MGAM: variants seen among roughly 807,000 people sequenced by gnomAD.
MGAM encodes the protein maltase-glucoamylase, also known as alpha-1,4-glucosidase.
MGAM carries 253 observed loss-of-function variants against 358.8 expected under a neutral mutation model. The observed-to-expected ratio is 0.71, with a 90% confidence interval of 0.64 to 0.78. The LOEUF (loss-of-function observed/expected upper bound fraction) is 0.78, where lower values mean the gene tolerates loss of function less well. Ranked by LOEUF, MGAM falls within the 30% of genes least tolerant of loss-of-function variation. MGAM has a pLI of 0.00. For synonymous variants in MGAM, 1,105 were observed against 1,227.1 expected (o/e 0.90, Z 2.08); for missense variants, 3,080 against 3,432.6 (o/e 0.90, Z 2.57).
At chr7:142,009,325 C>T (rs1317856291) in intron 3 of MGAM, among the ~76,000 whole-genome samples, 1 of 152,168 alleles carries the variant, frequency 6.6e-6, no homozygotes, top group African/African-American at 2.4e-5. Flanking sequence ...TTATAAAGTA[C>T]TTGCCCACAC....
chr7:142,077,790 A>G (rs1344655883), intron 47 of MGAM, among the ~76,000 whole-genome samples: 1 of 145,822 alleles, frequency 6.9e-6, no homozygotes, highest in Admixed American at 6.9e-5. Context: ...ATTAAAATTA[A>G]AAATTAAAAA....
intron 65 of MGAM, among the ~76,000 whole-genome samples, 168 bp downstream of exon 65, chr7:142,096,583 C>CA (rs1342718976): frequency 3.5e-4 from 53 of 152,230 alleles, no homozygotes; most frequent in African/African-American, 9.9e-4. Flanking sequence ...GTGTTCTTGG[C>CA]CTCAGCTCCT....
At chr7:142,035,382 C>A (rs1807893532) in intron 16 of MGAM, among the ~76,000 whole-genome samples, 1 of 151,930 alleles carries the variant, frequency 6.6e-6, no homozygotes, top group Non-Finnish European at 1.5e-5. Flanking sequence ...GATGTGTAAA[C>A]AAATAATTGT....
intron 1 of MGAM, among the ~76,000 whole-genome samples, chr7:141,999,448 G>T (rs1368761698): frequency 6.6e-6 from 1 of 152,178 alleles, no homozygotes; most frequent in Non-Finnish European, 1.5e-5. Flanking sequence ...AAGGGCAGGT[G>T]TTCAAATTGT....
chr7:142,046,794 G>A (rs1296335666), intron 21 of MGAM, among the ~76,000 whole-genome samples: 1 of 152,018 alleles, frequency 6.6e-6, no homozygotes, highest in South Asian at 2.1e-4. Context: ...CATATTTCTG[G>A]AACTGTGGTT....
Position 142,071,084 on chromosome 7 carries a change from C to T in MGAM, c.5152C>T (p.Pro1718Ser), listed in dbSNP as rs774222321. The T allele has an allele frequency of 7.1e-6, 11 of 1,556,142 alleles. 1 individual carries two copies. The highest frequency in any genetic ancestry group is 8.8e-6 in the Non-Finnish European group (10 of 1,132,522). Residue 1718 changes from proline (P) to serine (S), a missense_variant, in exon 44 of 71, where the codon CCC becomes TCC. By Grantham distance (74) the Pro-to-Ser change is moderately conservative. This residue lies in a region of MGAM where 932 missense variants were observed against 1,198.2 expected (regional missense o/e 0.78). Transcript: ENST00000475668. ...NLHVRGGYILPWQEPALNTHL... is the reference protein window; with the variant it reads ...NLHVRGGYILSWQEPALNTHL... ...TCATGTCCGTGGGGGCTACATCCTGCCCTGGCAAGAGCCTGCACTGAACAC... is the reference window on the plus strand; with the variant it reads ...TCATGTCCGTGGGGGCTACATCCTGTCCTGGCAAGAGCCTGCACTGAACAC...
intron 47 of MGAM, among the ~76,000 whole-genome samples, chr7:142,077,743 C>T (rs1255494530): frequency 6.9e-6 from 1 of 145,366 alleles, no homozygotes; most frequent in African/African-American, 2.4e-5. Context: ...CAAAATATTT[C>T]ATATACTCCA....
Position 142,085,821 on chromosome 7 carries a change from G to A in MGAM, c.6508-12G>A. ...CAGCAGCAGCCTCTCAGCTCCCCATGTCCTCCCGCAGGACGTGCAGTACTC... is the reference window on the plus strand; with the variant it reads ...CAGCAGCAGCCTCTCAGCTCCCCATATCCTCCCGCAGGACGTGCAGTACTC... On this transcript the variant is annotated splice_polypyrimidine_tract_variant and intron_variant, in intron 54 of 70. Transcript: ENST00000475668. 5 of 1,562,588 alleles carry A rather than the reference G, an allele frequency of 3.2e-6. No individual in the cohort carries two copies. Among genetic ancestry groups the A allele is most frequent in the Non-Finnish European group, 3.5e-6 (4 of 1,139,314 alleles).
chr7:142,084,761 A>G lies in MGAM; in HGVS notation c.6507+117A>G, dbSNP rs112545829. 8.9e-3 allele frequency: 11,909 copies of G among 1,345,140 alleles called. 1,295 individuals carry two copies. The highest frequency in any genetic ancestry group is 0.08 in the South Asian group (5,910 of 73,490). 83.3% of individuals were successfully genotyped at this position (1,345,140 alleles called of 1,614,324 possible). A position where few individuals can be genotyped will look rare whatever the true frequency, so the allele number is the denominator to read the frequency against. On this transcript the variant is annotated intron_variant, in intron 54 of 70. Coordinates refer to ENST00000475668, the MANE Select transcript of MGAM (RefSeq NM_001365693.1). ...AAGACATAATGTTCTTTTTCAGACAATATCACAGTTAGCCTCACCCCAGCA... is the reference window on the plus strand; with the variant it reads ...AAGACATAATGTTCTTTTTCAGACAGTATCACAGTTAGCCTCACCCCAGCA...
At chr7:142,022,132 A>C in intron 6 of MGAM, 136 bp from the exon 7 acceptor site, 1 of 804,840 alleles carries the variant, frequency 1.2e-6, no homozygotes, top group East Asian at 2.7e-5. Context: ...CCATAGAAAA[A>C]TGTCACAGGA....
intron 60 of MGAM, among the ~76,000 whole-genome samples, chr7:142,093,904 A>C (rs1309569898): frequency 6.9e-6 from 1 of 145,414 alleles, no homozygotes. Context: ...TCTCCCCTTT[A>C]TTTCAAAGTG....
In MGAM at chr7:142,105,872, C is replaced by A. The variant is rs370916883; in HGVS notation, c.8243C>A (p.Thr2748Lys). 1 of 1,611,430 alleles carries A rather than the reference C, an allele frequency of 6.2e-7. No individual in the cohort carries two copies. The change falls in exon 71 of 71, where the codon ACG (threonine) becomes AAG (lysine). Residue 2748 changes from threonine (T) to lysine (K), a missense_variant. Thr to Lys is a moderately conservative substitution (Grantham distance 78). Coordinates refer to ENST00000475668, the MANE Select transcript of MGAM (RefSeq NM_001365693.1). ...AGCCTACATAATTTTACTTCATTGACGTGGATAAGCACTCTGTGAATTTTT... is the reference window on the plus strand; with the variant it reads ...AGCCTACATAATTTTACTTCATTGAAGTGGATAAGCACTCTGTGAATTTTT... Reference protein sequence around the residue: ...NISLHNFTSLTWISTL With the variant: ...NISLHNFTSLKWISTL
intron 26 of MGAM, among the ~76,000 whole-genome samples, chr7:142,054,299 T>G (rs1209777220): frequency 6.6e-6 from 1 of 152,344 alleles, no homozygotes; most frequent in Middle Eastern, 3.4e-3. Flanking sequence ...TCTTGTGCAG[T>G]GTCAGGCAGG....
rs1816849819 is a variant in MGAM, at chr7:142,106,280, T to C, written c.*389T>C. The C allele has an allele frequency of 6.4e-6, 1 of 156,228 alleles. No individual in the cohort carries two copies. The highest frequency in any genetic ancestry group is 2.4e-5 in the African/African-American group (1 of 41,536). The allele number at this position is 156,228 out of a possible 1,614,324, so 9.7% of individuals were successfully genotyped here. ...AGCTTTCTGTGACAGTTCCAGGTCT[T>C]GAAGCTAATCAGCATCTCAAGAAAG... On this transcript the variant is annotated 3_prime_UTR_variant, in exon 71 of 71. Coordinates refer to ENST00000475668, the MANE Select transcript of MGAM (RefSeq NM_001365693.1).
rs372718631 is a variant in MGAM at position 142,103,367 on chromosome 7, C to T, written c.8112C>T (p.Pro2704=). 9.3e-6 allele frequency: 15 copies of T among 1,613,212 alleles called. No individual in the cohort carries two copies. Among genetic ancestry groups the T allele is most frequent in the Middle Eastern group, 3.3e-4 (2 of 6,060 alleles). ...AAATCTGGGGAGTGGGCAGTGTCCC[C>T]GTTACCAGTGTCAGCATCTCTGTGA... is the stretch of plus-strand genomic sequence containing the variant. ...YIEIWGVGSV[P]VTSVSISVSG... is the part of the protein sequence containing the mutation. The change falls in exon 70 of 71, where the codon CCC becomes CCT. Residue 2704 remains proline, a synonymous_variant. Transcript: ENST00000475668.
chr7:142,104,845 T>C (rs1379952002), intron 70 of MGAM, among the ~76,000 whole-genome samples: 1 of 152,170 alleles, frequency 6.6e-6, no homozygotes, highest in Non-Finnish European at 1.5e-5. Flanking sequence ...CGATGGTAAA[T>C]GAAACTTTCT....
At chr7:142,072,762 AT>A (rs1482006459) in intron 44 of MGAM, among the ~76,000 whole-genome samples, 3 of 146,172 alleles carry the variant, frequency 2.1e-5, no homozygotes, top group Non-Finnish European at 4.6e-5. Flanking sequence ...TCCATCTGAC[AT>A]CACGTTAACT....
chr7:142,046,192 G>C (rs1292574639), intron 21 of MGAM, among the ~76,000 whole-genome samples: 1 of 144,280 alleles, frequency 6.9e-6, no homozygotes, highest in African/African-American at 2.6e-5. Flanking sequence ...TTGCTCCTTA[G>C]ATGATTTTGT....
intron 44 of MGAM, among the ~76,000 whole-genome samples, chr7:142,073,140 ACTGT>A (rs1459241377): frequency 6.8e-6 from 1 of 146,150 alleles, no homozygotes; most frequent in Non-Finnish European, 1.6e-5. Context: ...TGTTGTTTTC[ACTGT>A]CTGCGTTCAT....
Sources: gnomAD v4.1 joint callset for allele counts (sites outside exome capture counted in the v4.1 genomes callset) on GRCh38, gnomAD v4.1.1 for gene constraint, gnomAD v4.1.1 regional missense constraint, MANE v1.5 for transcripts, NCBI Gene and HGNC (gene_info 2026-07-23, HGNC 2026-07-21) for gene names.